Variants in GRAMD1B observed in about 807,000 individuals in gnomAD.
GRAMD1B encodes the protein protein Aster-B.
Under a neutral mutation model 99.7 loss-of-function variants are expected in GRAMD1B, and 37 were observed. The ratio of observed to expected loss-of-function variants is 0.37; its 90% confidence interval spans 0.29 to 0.49. GRAMD1B has a LOEUF of 0.49. Among genes scored for constraint, GRAMD1B ranks in the 20% least tolerant of loss-of-function variants. GRAMD1B has a pLI of 0.98. For synonymous variants in GRAMD1B, 427 were observed against 387.6 expected, an observed-to-expected ratio of 1.10 and a Z score of -1.19; for missense variants, 888 against 1,009.2, an observed-to-expected ratio of 0.88 and a Z score of 1.63.
intron 3 of GRAMD1B, among the ~76,000 whole-genome samples, chr11:123,583,076 CTG>C (rs796076019): frequency 8.0e-5 from 12 of 150,570 alleles, no homozygotes; most frequent in Non-Finnish European, 1.3e-4. Context: ...GTGTGTGTCT[CTG>C]TGTGTATGTA....
At position 123,400,470 on chromosome 11, in the gene GRAMD1B, T is replaced by C. The variant is rs73605960; in HGVS notation, c.-176+41671T>C. ...TCCCCTTGGGCAACAAGAGCGAAACTCTGTCTCAAAAAAGAAAGAAAATAA... is the reference window on the plus strand; with the variant it reads ...TCCCCTTGGGCAACAAGAGCGAAACCCTGTCTCAAAAAAGAAAGAAAATAA... On this transcript the variant is annotated intron_variant, in intron 1 of 20. Coordinates refer to the GRAMD1B transcript ENST00000638157. 5.1e-3 allele frequency among the ~76,000 whole-genome samples: 772 copies of C among 152,278 alleles called. 6 individuals are homozygous for C. The highest frequency in any genetic ancestry group is 0.017 in the African/African-American group (726 of 41,572).
At chr11:123,612,720 A>G (rs1592278192) in intron 14 of GRAMD1B, 41 bp from the exon 15 acceptor site, 1 of 1,126,280 alleles carries the variant, frequency 8.9e-7, no homozygotes, top group South Asian at 1.3e-5. Context: ...AGGCAGGCCC[A>G]CCCAGGAAAT....
intron 2 of GRAMD1B, among the ~76,000 whole-genome samples, chr11:123,569,796 T>G (rs1947853659): frequency 6.6e-6 from 1 of 152,194 alleles, no homozygotes; most frequent in African/African-American, 2.4e-5. Flanking sequence ...TAGTCTTCTC[T>G]TAGGAATTAG....
chr11:123,488,112 T>C (rs1938083287), intron 2 of GRAMD1B, among the ~76,000 whole-genome samples: 1 of 152,196 alleles, frequency 6.6e-6, no homozygotes, highest in Admixed American at 6.5e-5. Context: ...TGTCCTTACG[T>C]GGTAAAAAGG....
intron 1 of GRAMD1B, among the ~76,000 whole-genome samples, chr11:123,403,448 G>GATAATAATAATA (rs371716819): frequency 1.4e-5 from 2 of 139,178 alleles, no homozygotes; most frequent in Admixed American, 7.3e-5. Context: ...TGATGATGAT[G>GATAATAATAATA]ATAATAATAA....
At chr11:123,539,470 G>T (rs1406822892) in intron 2 of GRAMD1B, among the ~76,000 whole-genome samples, 1 of 152,122 alleles carries the variant, frequency 6.6e-6, no homozygotes, top group Non-Finnish European at 1.5e-5. Context: ...AGACATGGTG[G>T]TATGCACCTG....
chr11:123,522,660 G>C (rs1942305955), intron 2 of GRAMD1B, among the ~76,000 whole-genome samples: 1 of 152,042 alleles, frequency 6.6e-6, no homozygotes, highest in Non-Finnish European at 1.5e-5. Flanking sequence ...CCTGTCCCCA[G>C]GGCCCTGTGA....
intron 2 of GRAMD1B, among the ~76,000 whole-genome samples, chr11:123,564,429 A>C (rs2136053469): frequency 6.6e-6 from 1 of 152,358 alleles, no homozygotes; most frequent in African/African-American, 2.4e-5. Flanking sequence ...TAAAAGCGGA[A>C]GCTCAGAGAG....
chr11:123,387,292 C>T (rs1159592039), intron 1 of GRAMD1B, among the ~76,000 whole-genome samples: 2 of 152,188 alleles, frequency 1.3e-5, no homozygotes, highest in Admixed American at 6.5e-5. Flanking sequence ...TAATTTGGCA[C>T]AGGCTTCTCC....
intron 1 of GRAMD1B, among the ~76,000 whole-genome samples, chr11:123,473,028 G>A (rs564931282): frequency 2.0e-5 from 3 of 152,012 alleles, no homozygotes; most frequent in Admixed American, 6.5e-5. Context: ...AAAATCTTAC[G>A]GAGGACTTCC....
rs887943134 is a variant in GRAMD1B at position 123,624,960 on chromosome 11, T to C, written c.*2365T>C. The C allele has an allele frequency of 6.6e-6, 1 of 152,292 alleles. No homozygotes were observed. Among genetic ancestry groups the C allele is most frequent in the East Asian group, 1.9e-4 (1 of 5,180 alleles). 9.4% of individuals were successfully genotyped at this position (152,292 alleles called of 1,614,324 possible). A position where few individuals can be genotyped will look rare whatever the true frequency, so the allele number is the denominator to read the frequency against. On this transcript the variant is annotated 3_prime_UTR_variant, in exon 20 of 20. Transcript: ENST00000635736. ...TGTCAGAAGAGCCCTCCTGGTTTTT[T>C]AGCGATTTGAACCCACTAGACAATG...
At chr11:123,475,382 A>G (rs1951216011) in intron 1 of GRAMD1B, among the ~76,000 whole-genome samples, 1 of 152,206 alleles carries the variant, frequency 6.6e-6, no homozygotes, top group African/African-American at 2.4e-5. Context: ...AAACAAAACC[A>G]GGATTCTGCT....
At chr11:123,461,874 G>A (rs570634985) in intron 1 of GRAMD1B, among the ~76,000 whole-genome samples, 256 of 151,576 alleles carry the variant, frequency 1.7e-3, no homozygotes, top group African/African-American at 5.9e-3. Context: ...CCAAAGTGCT[G>A]GGATTACAGG....
chr11:123,516,668 T>TA (rs1259334098), intron 2 of GRAMD1B, among the ~76,000 whole-genome samples: 4 of 151,496 alleles, frequency 2.6e-5, no homozygotes, highest in Non-Finnish European at 4.4e-5. Flanking sequence ...GTCTGTTGAT[T>TA]AAAAAAAAAG....
Position 123,455,130 on chromosome 11 carries a change from G to C in GRAMD1B, c.374+23964G>C, listed in dbSNP as rs566568198. On this transcript the variant is annotated intron_variant, in intron 1 of 19. Transcript: ENST00000635736. ...GCCCTACTTAATATTTAGGGAAGTAGGAAATTGAACATTTAAGTCTATTTT... is the reference window on the plus strand; with the variant it reads ...GCCCTACTTAATATTTAGGGAAGTACGAAATTGAACATTTAAGTCTATTTT... 3.9e-5 allele frequency among the ~76,000 whole-genome samples: 6 copies of C among 152,232 alleles called. No homozygotes were observed. In the East Asian group the frequency reaches 7.7e-4, roughly 20 times the overall value.
At chr11:123,546,225 AT>A (rs1461454100) in intron 2 of GRAMD1B, among the ~76,000 whole-genome samples, 4 of 152,200 alleles carry the variant, frequency 2.6e-5, no homozygotes, top group African/African-American at 9.6e-5. Flanking sequence ...GGGAAGGAGG[AT>A]GGACAGAAGT....
rs747509131 is a variant in GRAMD1B, at chr11:123,606,655, C to T, written c.1370C>T (p.Ser457Phe). 1.9e-6 allele frequency: 3 copies of T among 1,612,962 alleles called. No individual in the cohort carries two copies. Among genetic ancestry groups the T allele is most frequent in the Non-Finnish European group, 2.5e-6 (3 of 1,179,632 alleles). The change falls in exon 11 of 20, where the codon TCC (serine) becomes TTC (phenylalanine). Residue 457 changes from serine to phenylalanine, a missense_variant. Coordinates refer to ENST00000635736, the MANE Select transcript of GRAMD1B (RefSeq NM_001387025.1). Reference protein sequence around the residue: ...LEEEALEGDGSLEKELAIDNI... With the variant: ...LEEEALEGDGFLEKELAIDNI... ...GAAGAGGCGCTGGAGGGAGACGGGTCCCTGGAAAAGGAGCTCGCCATTGAC... is the reference window on the plus strand; with the variant it reads ...GAAGAGGCGCTGGAGGGAGACGGGTTCCTGGAAAAGGAGCTCGCCATTGAC...
At chr11:123,575,566 ACAG>A (rs1475779289) in intron 2 of GRAMD1B, among the ~76,000 whole-genome samples, 1 of 152,168 alleles carries the variant, frequency 6.6e-6, no homozygotes, top group East Asian at 1.9e-4. Context: ...ATCCTAGAAG[ACAG>A]TTTAAACCTT....
chr11:123,414,033 CCAT>C (rs962873524), intron 1 of GRAMD1B, among the ~76,000 whole-genome samples: 14 of 150,454 alleles, frequency 9.3e-5, no homozygotes, highest in African/African-American at 2.5e-4. Context: ...TCTTAGAAAT[CCAT>C]CATCATCATC....
Sources: allele counts gnomAD v4.1 joint callset (sites outside exome capture counted in the v4.1 genomes callset), GRCh38; gene constraint gnomAD v4.1.1; transcripts MANE v1.5; gene names NCBI Gene and HGNC (gene_info 2026-07-23, HGNC 2026-07-21).